LY86: variants seen among roughly 807,000 people sequenced by gnomAD.
The protein encoded by LY86 is lymphocyte antigen 86.
In LY86, 20 loss-of-function variants were observed where a neutral mutation model predicts 17.3. The ratio of observed to expected loss-of-function variants is 1.15; its 90% CI spans 0.81 to 1.68. The LOEUF is 1.68. Ranked by LOEUF, LY86 falls within the 40% of genes most tolerant of loss-of-function variation. LY86 has a pLI of 0.00. For synonymous variants in LY86, 74 were observed against 70.6 expected, an observed-to-expected ratio of 1.05 and a Z score of -0.24; for missense variants, 200 against 191.9, an observed-to-expected ratio of 1.04 and a Z score of -0.25.
At chr6:6,627,914 A>C (rs1398838188) in intron 3 of LY86, among the ~76,000 whole-genome samples, 1 of 152,230 alleles carries the variant, frequency 6.6e-6, no homozygotes, top group Non-Finnish European at 1.5e-5. Flanking sequence ...TAATGAATGA[A>C]TGAATAAAAG....
chr6:6,654,592 G>T lies in LY86; in HGVS notation c.454G>T (p.Val152Leu), dbSNP rs764728056. The change falls in exon 5 of 5, where the codon GTG becomes TTG. Residue 152 changes from valine (V) to leucine (L), a missense_variant. Coordinates refer to ENST00000230568, the MANE Select transcript of LY86 (RefSeq NM_004271.4). ...ACTGTACACTGAAAAACGGTCCACCGTGGCCTGTGCCAATGCTACTATCAT... is the reference window on the plus strand; with the variant it reads ...ACTGTACACTGAAAAACGGTCCACCTTGGCCTGTGCCAATGCTACTATCAT... The part of the protein sequence containing the change: ...LELYTEKRST[V>L]ACANATIMCS 2 of 1,614,188 alleles carry T rather than the reference G, an allele frequency of 1.2e-6. No homozygotes were observed. Among genetic ancestry groups the T allele is most frequent in the Admixed American group, 1.7e-5 (1 of 60,028 alleles).
At chr6:6,603,603 C>CAAAAAAA (rs1207511602) in intron 1 of LY86, among the ~76,000 whole-genome samples, 10 of 70,470 alleles carry the variant, frequency 1.4e-4, no homozygotes, top group Non-Finnish European at 1.9e-4. Flanking sequence ...AAAACAGAAA[C>CAAAAAAA]AGAAAAAAAA....
rs369644328 is a variant in LY86 at position 6,612,704 on chromosome 6, G to C, written c.137-12222G>C. Among the ~76,000 whole-genome samples, 9 of 152,230 alleles carry C rather than the reference G, an allele frequency of 5.9e-5. No homozygotes were observed. The East Asian group carries it at 7.7e-4, about 13-fold the overall frequency. ...TTTTGACAGGGTGCTGATTGGTCGC[G>C]TTTACAATCCCTGAGCTAGATGCAA... On this transcript the variant is annotated intron_variant, in intron 1 of 4. Transcript: ENST00000230568.
At chr6:6,611,476 A>G (rs1311407907) in intron 1 of LY86, among the ~76,000 whole-genome samples, 1 of 152,216 alleles carries the variant, frequency 6.6e-6, no homozygotes, top group African/African-American at 2.4e-5. Context: ...CTGTGGAAAG[A>G]GCTATAGAAG....
At chr6:6,620,143 T>TACAC (rs142167599) in intron 1 of LY86, among the ~76,000 whole-genome samples, 1 of 151,668 alleles carries the variant, frequency 6.6e-6, no homozygotes, top group African/African-American at 2.4e-5. Context: ...CATGCGCTTG[T>TACAC]ACACACACAC....
At chr6:6,633,088 ATAAGT>A (rs1561790238) in intron 3 of LY86, among the ~76,000 whole-genome samples, 1 of 152,234 alleles carries the variant, frequency 6.6e-6, no homozygotes, top group East Asian at 1.9e-4. Flanking sequence ...TGAAAGTGAA[ATAAGT>A]TAAATAGAGC....
At chr6:6,621,871 A>G (rs1380515783) in intron 1 of LY86, among the ~76,000 whole-genome samples, 1 of 152,238 alleles carries the variant, frequency 6.6e-6, no homozygotes, top group Non-Finnish European at 1.5e-5. Context: ...AGAGGTATAC[A>G]AACAAATATA....
chr6:6,636,370 A>G (rs1169235352), intron 3 of LY86, among the ~76,000 whole-genome samples: 2 of 152,252 alleles, frequency 1.3e-5, no homozygotes, highest in East Asian at 1.9e-4. Flanking sequence ...TAATACACAT[A>G]TAGCCCATAG....
At chr6:6,616,851 T>TTTA (rs1761566646) in intron 1 of LY86, among the ~76,000 whole-genome samples, 1 of 152,246 alleles carries the variant, frequency 6.6e-6, no homozygotes, top group African/African-American at 2.4e-5. Context: ...TCTGGCCCTG[T>TTTA]TTCTGTCCCC....
intron 1 of LY86, among the ~76,000 whole-genome samples, chr6:6,613,808 G>A (rs547770519): frequency 1.3e-5 from 2 of 152,244 alleles, no homozygotes; most frequent in African/African-American, 2.4e-5. Context: ...TCTCAATAGG[G>A]CCCCTTACTT....
In LY86 at chr6:6,588,741, G is replaced by A. The variant is rs780493885; in HGVS notation, c.7G>A (p.Gly3Ser). 3.7e-6 allele frequency: 6 copies of A among 1,614,032 alleles called. No individual in the cohort carries two copies. The East Asian group carries it at 1.3e-4, about 36-fold the overall frequency. Residue 3 changes from glycine (G) to serine (S), a missense_variant, in exon 1 of 5, where the codon GGT (glycine) becomes AGT (serine). Gly to Ser is a moderately conservative substitution (Grantham distance 56, BLOSUM62 0). Coordinates refer to ENST00000230568, the MANE Select transcript of LY86 (RefSeq NM_004271.4). MK[G>S]FTATLFLWTL... Reference sequence around the variant, plus strand: ...TCCCATACAGGCCCCCACCATGAAGGGTTTCACAGCCACTCTCTTCCTCTG... The same window carrying A: ...TCCCATACAGGCCCCCACCATGAAGAGTTTCACAGCCACTCTCTTCCTCTG...
chr6:6,605,264 T>C (rs1466764261), intron 1 of LY86, among the ~76,000 whole-genome samples: 7 of 138,656 alleles, frequency 5.0e-5, no homozygotes, highest in South Asian at 2.5e-4. Context: ...CAATAAGCAT[T>C]ATCACCTCAC....
In LY86 at chr6:6,654,536, C is replaced by T. The variant is rs918738750; in HGVS notation, c.406-8C>T. 2 of 1,611,206 alleles carry T rather than the reference C, an allele frequency of 1.2e-6. No individual in the cohort carries two copies. The highest frequency in any genetic ancestry group is 2.7e-5 in the African/African-American group (2 of 74,884). ...ACACGTCTAATACTTGACCTGTGCC[C>T]CTTGCAGGGAGAATACCAGGTTTTG... On this transcript the variant is annotated splice_polypyrimidine_tract_variant and splice_region_variant and intron_variant, in intron 4 of 4. Transcript: ENST00000230568.
intron 2 of LY86, 134 bp from the exon 3 acceptor site, chr6:6,626,159 G>C (rs765721484): frequency 5.5e-5 from 46 of 836,818 alleles, no homozygotes; most frequent in Non-Finnish European, 8.0e-5. Context: ...AAGGAAAGAA[G>C]AAAACTGTTC....
intron 3 of LY86, among the ~76,000 whole-genome samples, chr6:6,645,130 G>A (rs1762091081): frequency 6.6e-6 from 1 of 152,016 alleles, no homozygotes; most frequent in African/African-American, 2.4e-5. Context: ...TCTTCAAAGA[G>A]TCATACTCAT....
At chr6:6,594,912 A>G (rs1429811301) in intron 1 of LY86, among the ~76,000 whole-genome samples, 4 of 152,148 alleles carry the variant, frequency 2.6e-5, no homozygotes, top group African/African-American at 9.7e-5. Context: ...ATACAAACCT[A>G]TGTGTCCTTA....
At chr6:6,593,960 G>T (rs1760619557) in intron 1 of LY86, among the ~76,000 whole-genome samples, 1 of 152,248 alleles carries the variant, frequency 6.6e-6, no homozygotes, top group Non-Finnish European at 1.5e-5. Context: ...GTTAGATTGT[G>T]TACAGGAATG....
chr6:6,603,603 CAGA>C (rs1760987680), intron 1 of LY86, among the ~76,000 whole-genome samples: 5 of 70,464 alleles, frequency 7.1e-5, no homozygotes, highest in Non-Finnish European at 6.4e-5. Context: ...AAAACAGAAA[CAGA>C]AAAAAAAACA....
chr6:6,605,559 A>T (rs534139160), intron 1 of LY86, among the ~76,000 whole-genome samples: 8 of 152,250 alleles, frequency 5.3e-5, no homozygotes, highest in African/African-American at 1.9e-4. Flanking sequence ...CGTGCTTCCC[A>T]CGGAGTGGGA....
Sources: allele counts gnomAD v4.1 joint callset (sites outside exome capture counted in the v4.1 genomes callset), GRCh38; gene constraint gnomAD v4.1.1; transcripts MANE v1.5; gene names NCBI Gene and HGNC (gene_info 2026-07-23, HGNC 2026-07-21).